Variants in ADAMTSL2 observed in about 807,000 individuals in gnomAD.
ADAMTSL2 encodes the protein ADAMTS like 2.
ADAMTSL2 carries 55 observed loss-of-function variants against 117.0 expected under a neutral mutation model. The observed-to-expected ratio is 0.47, with a 90% CI of 0.38 to 0.59. The LOEUF (loss-of-function observed/expected upper bound fraction) is 0.59. Among genes scored for constraint, ADAMTSL2 ranks in the 20% least tolerant of loss-of-function variants. The pLI is 0.00. For missense variants in ADAMTSL2, 1,182 were observed against 1,354.5 expected, an observed-to-expected ratio of 0.87 and a Z score of 2.00; for synonymous variants, 572 against 566.4, an observed-to-expected ratio of 1.01 and a Z score of -0.14.
At chr9:133,534,628 C>G, upstream of ADAMTSL2, 1 of 1,278,022 alleles carries the variant, frequency 7.8e-7, no homozygotes, top group Non-Finnish European at 1.0e-6. Flanking sequence ...GGCGGGGGAG[C>G]GGCCTGGTGG....
chr9:133,555,926 G>A lies in ADAMTSL2; in HGVS notation c.1645G>A (p.Ala549Thr). ...LTSAGNRTHKARTRPKARKQG... is the reference protein window; with the variant it reads ...LTSAGNRTHKTRTRPKARKQG... ...CTCGGCCGGGAACAGGACTCACAAGGCCAGGTAGGAGGCACTTTCCTGAGC... is the reference window on the plus strand; with the variant it reads ...CTCGGCCGGGAACAGGACTCACAAGACCAGGTAGGAGGCACTTTCCTGAGC... The change falls in exon 11 of 19, where the codon GCC (alanine) becomes ACC (threonine). Residue 549 changes from alanine to threonine, a missense_variant. Ala to Thr is a moderately conservative substitution (Grantham distance 58). Coordinates refer to ENST00000651351, the MANE Select transcript of ADAMTSL2 (RefSeq NM_014694.4). 1 of 1,610,996 alleles carries A rather than the reference G, an allele frequency of 6.2e-7. No homozygotes were observed.
intron 12 of ADAMTSL2, among the ~76,000 whole-genome samples, 158 bp downstream of exon 12, chr9:133,561,453 G>A (rs1163344675): frequency 1.4e-4 from 21 of 152,220 alleles, no homozygotes; most frequent in Non-Finnish European, 2.9e-4. Flanking sequence ...TGGCGTGATA[G>A]GAGTTTGGGT....
In ADAMTSL2 at chr9:133,554,663, G is replaced by A. The variant is rs1417465741; in HGVS notation, c.1246G>A (p.Glu416Lys). 3.1e-5 allele frequency: 47 copies of A among 1,519,204 alleles called. No individual in the cohort carries two copies. Among genetic ancestry groups the A allele is most frequent in the Admixed American group, 1.7e-4 (8 of 47,386 alleles). 94.1% of individuals were successfully genotyped at this position (1,519,204 alleles called of 1,614,324 possible). A position where few individuals can be genotyped will look rare whatever the true frequency, so the allele number is the denominator to read the frequency against. ...CGAGCAGGCCGGCGGCGGGGCCTGC[G>A]AGGGGCCCCCCAGGGGCAAGGGCTT... The part of the protein sequence containing the change: ...VCEQAGGGAC[E>K]GPPRGKGFRD... The change falls in exon 10 of 19, where the codon GAG becomes AAG. Residue 416 changes from glutamate to lysine, a missense_variant. Transcript: ENST00000651351. This position sits in a 1 kb window ranked among gnomAD's most constrained non-coding sequence, Gnocchi z 5.2.
rs948633458 is a variant in ADAMTSL2 at position 133,573,732 on chromosome 9, G to A, written c.2593-111G>A. On this transcript the variant is annotated intron_variant, in intron 17 of 18. Coordinates refer to ENST00000651351, the MANE Select transcript of ADAMTSL2 (RefSeq NM_014694.4). ...CCTGTGTCAGTTGGGACTCATGGCC[G>A]CCTGGGAAGGGTGGGGTGGGGAAGG... 1.3e-4 allele frequency: 182 copies of A among 1,411,460 alleles called. No individual in the cohort carries two copies. In the Middle Eastern group the frequency reaches 2.6e-3, roughly 20 times the overall value. 87.4% of individuals were successfully genotyped at this position (1,411,460 alleles called of 1,614,324 possible).
At chr9:133,535,177 T>G (rs1337029308) in intron 1 of ADAMTSL2, among the ~76,000 whole-genome samples, 1 of 152,068 alleles carries the variant, frequency 6.6e-6, no homozygotes, top group Admixed American at 6.5e-5. Flanking sequence ...CAGGGAGGGA[T>G]GGATCCCCGT....
rs746513236 is a variant in ADAMTSL2 at position 133,540,653 on chromosome 9, C to G, written c.468C>G (p.Asp156Glu). The G allele has an allele frequency of 6.2e-7, 1 of 1,613,624 alleles. No homozygotes were observed. Among genetic ancestry groups the G allele is most frequent in the Non-Finnish European group, 8.5e-7 (1 of 1,180,056 alleles). Residue 156 changes from aspartate (D) to glutamate (E), a missense_variant, in exon 6 of 19, where the codon GAC becomes GAG. Asp to Glu is a conservative substitution (Grantham distance 45). This residue lies in a region of ADAMTSL2 where 372 missense variants were observed against 463.4 expected (regional missense o/e 0.80). Transcript: ENST00000651351. ...GTGACCTGCACTGTACCACCGTGGA[C>G]GGCCAGCGGCAGCTCATGGTCCCCG... is the stretch of plus-strand genomic sequence containing the variant. Reference protein sequence around the residue: ...KPCDLHCTTVDGQRQLMVPAR... With the variant: ...KPCDLHCTTVEGQRQLMVPAR...
intron 4 of ADAMTSL2, 28 bp from the exon 5 acceptor site, chr9:133,539,743 G>C: frequency 1.6e-6 from 2 of 1,277,534 alleles, no homozygotes; most frequent in Non-Finnish European, 2.0e-6. Context: ...AGTTCCTCCC[G>C]GAGCCTCCCT....
chr9:133,567,139 TA>T, intron 13 of ADAMTSL2, 77 bp downstream of exon 13: 1 of 1,529,936 alleles, frequency 6.5e-7, no homozygotes, highest in Non-Finnish European at 8.8e-7. Context: ...CAGTCAGACT[TA>T]CCCCCTGCCC....
rs1830628315 is a variant in ADAMTSL2, at chr9:133,557,450, C to A, written c.1649+1520C>A. On this transcript the variant is annotated intron_variant, in intron 11 of 18. Transcript: ENST00000651351. The surrounding 1 kb of genome is among the most constrained non-coding windows in gnomAD (Gnocchi z 5.2). ...TGCTCACCCTTTACCTTGGCATGCT[C>A]AAAGCCTTGGGTAGGTGGGGCCTGT... 1.3e-5 allele frequency among the ~76,000 whole-genome samples: 2 copies of A among 152,086 alleles called. No individual in the cohort carries two copies. Among genetic ancestry groups the A allele is most frequent in the Admixed American group, 1.3e-4 (2 of 15,274 alleles).
At position 133,539,771 on chromosome 9, in the gene ADAMTSL2, G is replaced by A; in HGVS notation, c.310G>A (p.Glu104Lys). The change falls in exon 5 of 19, where the codon GAG becomes AAG. Residue 104 changes from glutamate (E) to lysine (K), a missense_variant and splice_region_variant. Transcript: ENST00000651351. ...SKRYQLCRVQ[E>K]CPPDGRSFRE... ...GCCTCCCTGTCCCTTCGCTTCCCAGGAGTGTCCGCCGGACGGGAGGAGCTT... is the reference window on the plus strand; with the variant it reads ...GCCTCCCTGTCCCTTCGCTTCCCAGAAGTGTCCGCCGGACGGGAGGAGCTT... 1 of 1,516,588 alleles carries A rather than the reference G, an allele frequency of 6.6e-7. No individual in the cohort carries two copies. The highest frequency in any genetic ancestry group is 8.8e-7 in the Non-Finnish European group (1 of 1,130,640). 93.9% of individuals were successfully genotyped at this position (1,516,588 alleles called of 1,614,324 possible). A position where few individuals can be genotyped will look rare whatever the true frequency, so the allele number is the denominator to read the frequency against.
intron 12 of ADAMTSL2, among the ~76,000 whole-genome samples, chr9:133,564,669 G>GGA (rs1830917209): frequency 3.7e-5 from 2 of 53,930 alleles, no homozygotes; most frequent in Admixed American, 1.9e-4. Flanking sequence ...AGAGAGAGAG[G>GGA]GAGAGGGAGA....
intron 2 of ADAMTSL2, among the ~76,000 whole-genome samples, chr9:133,537,119 G>A (rs1163424823): frequency 1.3e-5 from 2 of 152,180 alleles, no homozygotes; most frequent in East Asian, 3.9e-4. Context: ...GCTGCTCCGG[G>A]GAAAGTGAGG....
Position 133,573,888 on chromosome 9 carries a change from T to G in ADAMTSL2, c.2638T>G (p.Cys880Gly). ...GVGVRMRDVKCYQGTDIVRGC... is the reference protein window; with the variant it reads ...GVGVRMRDVKGYQGTDIVRGC... ...GGGCGTGAGGATGCGAGACGTCAAG[T>G]GCTACCAGGGGACCGACATCGTCCG... Residue 880 changes from cysteine to glycine, a missense_variant, in exon 18 of 19, where the codon TGC becomes GGC. Physicochemically the swap from Cys to Gly is radical, Grantham distance 159 (BLOSUM62 -3). Transcript: ENST00000651351. 6.2e-7 allele frequency: 1 copy of G among 1,614,090 alleles called. No homozygotes were observed. Among genetic ancestry groups the G allele is most frequent in the African/African-American group, 1.3e-5 (1 of 75,038 alleles).
At chr9:133,569,620 G>C (rs1359258292) in intron 16 of ADAMTSL2, 42 bp downstream of exon 16, 19 of 1,546,990 alleles carry the variant, frequency 1.2e-5, no homozygotes, top group Non-Finnish European at 1.7e-5. Flanking sequence ...CTGGTATCTG[G>C]AGAGCATTTG....
chr9:133,542,515 T>C (rs113263177), intron 7 of ADAMTSL2, among the ~76,000 whole-genome samples: 21 of 152,316 alleles, frequency 1.4e-4, no homozygotes, highest in African/African-American at 5.1e-4. Context: ...GCTCATGTCC[T>C]CGTGGAACTC....
At position 133,537,453 on chromosome 9, in the gene ADAMTSL2, G is replaced by A; in HGVS notation, c.139G>A (p.Ala47Thr). 7.4e-7 allele frequency: 1 copy of A among 1,353,734 alleles called. No homozygotes were observed. The highest frequency in any genetic ancestry group is 9.6e-7 in the Non-Finnish European group (1 of 1,044,488). 83.9% of individuals were successfully genotyped at this position (1,353,734 alleles called of 1,614,324 possible). A position where few individuals can be genotyped will look rare whatever the true frequency, so the allele number is the denominator to read the frequency against. Reference protein sequence around the residue: ...NSLEGGTDATAFWWGEWTKWT... With the variant: ...NSLEGGTDATTFWWGEWTKWT... Reference sequence around the variant, plus strand: ...CCTGGAGGGGGGCACCGACGCCACGGCCTTCTGGTGGGGGGAGTGGACCAA... The same window carrying A: ...CCTGGAGGGGGGCACCGACGCCACGACCTTCTGGTGGGGGGAGTGGACCAA... The change falls in exon 3 of 19, where the codon GCC becomes ACC. Residue 47 changes from alanine (A) to threonine (T), a missense_variant. Coordinates refer to ENST00000651351, the MANE Select transcript of ADAMTSL2 (RefSeq NM_014694.4).
At chr9:133,561,343 C>T in intron 12 of ADAMTSL2, 48 bp downstream of exon 12, 2 of 1,509,810 alleles carry the variant, frequency 1.3e-6, no homozygotes, top group East Asian at 2.4e-5. Flanking sequence ...GAACCCATTT[C>T]CATGGACATG....
intron 3 of ADAMTSL2, among the ~76,000 whole-genome samples, chr9:133,537,786 G>A (rs1830089533): frequency 6.6e-6 from 1 of 152,222 alleles, no homozygotes; most frequent in African/African-American, 2.4e-5. Flanking sequence ...TCACGAGAGG[G>A]CAGGAGCCAT....
At chr9:133,553,101 G>T (rs1266593383) in intron 9 of ADAMTSL2, among the ~76,000 whole-genome samples, 1 of 152,218 alleles carries the variant, frequency 6.6e-6, no homozygotes, top group Admixed American at 6.5e-5. Context: ...TGGCCGTGAA[G>T]GCAGAGGTCT....
Sources: allele counts gnomAD v4.1 joint callset (sites outside exome capture counted in the v4.1 genomes callset), GRCh38; gene constraint gnomAD v4.1.1; regional missense constraint gnomAD v4.1.1; non-coding constraint Gnocchi (gnomAD v3.1); transcripts MANE v1.5; gene names NCBI Gene and HGNC (gene_info 2026-07-23, HGNC 2026-07-21).